The following AGBL1 variants were observed in gnomAD, a reference collection of about 807,000 sequenced individuals.
The protein encoded by AGBL1 is cytosolic carboxypeptidase 4.
AGBL1 carries 130 observed loss-of-function variants against 118.9 expected under a neutral mutation model. The ratio of observed to expected loss-of-function variants is 1.09; its 90% confidence interval spans 0.95 to 1.26. AGBL1 has a LOEUF of 1.26. Ranked by LOEUF, AGBL1 falls within the 50% of genes most tolerant of loss-of-function variation. AGBL1 has a pLI of 0.00. For synonymous variants in AGBL1, 555 were observed against 478.9 expected (o/e 1.16, Z -2.08); for missense variants, 1,584 against 1,298.1 (o/e 1.22, Z -3.38).
intron 17 of AGBL1, among the ~76,000 whole-genome samples, chr15:86,304,676 G>A (rs531130432): frequency 2.6e-5 from 4 of 152,088 alleles, no homozygotes; most frequent in African/African-American, 4.8e-5. Context: ...CTCTTACCCG[G>A]TTATTTCTTG....
At chr15:86,259,680 G>C (rs927029357) in intron 9 of AGBL1, among the ~76,000 whole-genome samples, 2 of 152,216 alleles carry the variant, frequency 1.3e-5, no homozygotes, top group African/African-American at 4.8e-5. Context: ...GAAGTCATCC[G>C]TAGCAAATTG....
intron 5 of AGBL1, among the ~76,000 whole-genome samples, chr15:86,197,601 G>C (rs1424659089): frequency 6.6e-6 from 1 of 152,164 alleles, no homozygotes; most frequent in Non-Finnish European, 1.5e-5. Flanking sequence ...GAAAATTCTA[G>C]AGAAGAAAGA....
At chr15:86,649,722 A>G (rs1385166879) in intron 21 of AGBL1, among the ~76,000 whole-genome samples, 1 of 149,760 alleles carries the variant, frequency 6.7e-6, no homozygotes, top group Non-Finnish European at 1.5e-5. Flanking sequence ...CTTTTTACAT[A>G]AAAACAATTA....
chr15:86,446,318 C>T (rs2082120675), intron 18 of AGBL1, among the ~76,000 whole-genome samples: 1 of 152,220 alleles, frequency 6.6e-6, no homozygotes, highest in African/African-American at 2.4e-5. Context: ...TTGTTCTGTT[C>T]TTTTCCCTCT....
intron 17 of AGBL1, among the ~76,000 whole-genome samples, chr15:86,338,092 A>G (rs2080402808): frequency 6.6e-6 from 1 of 152,152 alleles, no homozygotes; most frequent in African/African-American, 2.4e-5. Flanking sequence ...AGGAAATGGA[A>G]GAAAGAATAG....
intron 5 of AGBL1, among the ~76,000 whole-genome samples, chr15:86,224,040 CT>C (rs1476207150): frequency 1.3e-5 from 2 of 152,146 alleles, no homozygotes; most frequent in Non-Finnish European, 2.9e-5. Context: ...GTGATCTAGC[CT>C]CTTTGGCCTG....
intron 4 of AGBL1, 134 bp from the exon 5 acceptor site, chr15:86,158,799 C>A (rs1463742199): frequency 2.9e-6 from 2 of 695,418 alleles, no homozygotes; most frequent in Non-Finnish European, 5.0e-6. Flanking sequence ...GAATGTGCAA[C>A]CAGGGTGGAA....
downstream of AGBL1, among the ~76,000 whole-genome samples, chr15:87,030,851 G>A (rs945504767): frequency 6.6e-6 from 1 of 151,526 alleles, no homozygotes; most frequent in African/African-American, 2.4e-5. Flanking sequence ...TACTCTACTC[G>A]CACCAAGCCA....
intron 23 of AGBL1, among the ~76,000 whole-genome samples, chr15:86,947,837 CGTT>C (rs1224921158): frequency 3.3e-5 from 5 of 152,146 alleles, no homozygotes; most frequent in Non-Finnish European, 5.9e-5. Flanking sequence ...GATTATCTGA[CGTT>C]GTTTTTTCCT....
intron 21 of AGBL1, among the ~76,000 whole-genome samples, chr15:86,593,800 T>C (rs1311782866): frequency 6.6e-6 from 1 of 152,224 alleles, no homozygotes; most frequent in African/African-American, 2.4e-5. Context: ...TAATCTTTTG[T>C]TACTGCAGAT....
intron 21 of AGBL1, among the ~76,000 whole-genome samples, chr15:86,624,171 C>T (rs962516735): frequency 2.0e-5 from 3 of 152,148 alleles, no homozygotes; most frequent in African/African-American, 4.8e-5. Context: ...TCAGAGCATG[C>T]CTGTCAAATT....
intron 22 of AGBL1, among the ~76,000 whole-genome samples, chr15:86,765,828 A>G (rs943736125): frequency 8.7e-4 from 133 of 152,052 alleles, no homozygotes; most frequent in African/African-American, 3.1e-3. Context: ...ATAAAACACA[A>G]CAGGATTATA....
chr15:86,574,134 G>C (rs1044143164), intron 21 of AGBL1, among the ~76,000 whole-genome samples: 1 of 152,212 alleles, frequency 6.6e-6, no homozygotes, highest in African/African-American at 2.4e-5. Context: ...CAGTCAAGGA[G>C]GTCCACTCAG....
intron 6 of AGBL1, among the ~76,000 whole-genome samples, chr15:86,225,275 C>T (rs1496884): frequency 0.013 from 1,922 of 151,958 alleles, 29 homozygotes; most frequent in East Asian, 0.069. Context: ...CCCTGTCTAA[C>T]AGAGCCAGCA....
intron 18 of AGBL1, among the ~76,000 whole-genome samples, chr15:86,474,532 G>T (rs1033370976): frequency 1.3e-5 from 2 of 152,210 alleles, no homozygotes; most frequent in African/African-American, 4.8e-5. Context: ...TGATGGAGGG[G>T]CACCCACCAT....
chr15:86,216,109 C>A (rs928390471), intron 5 of AGBL1, among the ~76,000 whole-genome samples: 2 of 152,114 alleles, frequency 1.3e-5, no homozygotes, highest in African/African-American at 4.8e-5. Context: ...TTATCATGGC[C>A]ACCTTGCAAA....
intron 3 of AGBL1, among the ~76,000 whole-genome samples, chr15:86,145,230 G>A (rs2077017141): frequency 5.9e-5 from 9 of 152,166 alleles, no homozygotes; most frequent in Admixed American, 5.9e-4. Flanking sequence ...ATTTTTGGGG[G>A]CCACTATTCA....
intron 21 of AGBL1, among the ~76,000 whole-genome samples, chr15:86,672,818 T>A (rs996982633): frequency 6.6e-5 from 10 of 152,212 alleles, no homozygotes; most frequent in African/African-American, 2.4e-4. Context: ...TTCCCTTAAC[T>A]CTGAAGTAAT....
chr15:86,177,853 C>A lies in AGBL1; in HGVS notation c.488+18827C>A, dbSNP rs78933264. On this transcript the variant is annotated intron_variant, in intron 5 of 22. Coordinates refer to ENST00000614907, the MANE Select transcript of AGBL1 (RefSeq NM_001386094.1). Reference sequence around the variant, plus strand: ...GAAGAAAGATGGAATCTCTAATCAACAACCTCAGCTTCCACCATAAGAAAG... The same window carrying A: ...GAAGAAAGATGGAATCTCTAATCAAAAACCTCAGCTTCCACCATAAGAAAG... Among the ~76,000 whole-genome samples, 1,123 of 152,158 alleles carry A rather than the reference C, an allele frequency of 7.4e-3. 13 individuals are homozygous for A. Among genetic ancestry groups the A allele is most frequent in the African/African-American group, 0.026 (1,074 of 41,498 alleles).
Sources: gnomAD v4.1 joint callset for allele counts (sites outside exome capture counted in the v4.1 genomes callset) on GRCh38, gnomAD v4.1.1 for gene constraint, MANE v1.5 for transcripts, NCBI Gene and HGNC (gene_info 2026-07-23, HGNC 2026-07-21) for gene names.